The following AUTS2 variants were observed in gnomAD, a reference collection of about 807,000 sequenced individuals.
AUTS2 encodes activator of transcription and developmental regulator AUTS2.
In AUTS2, 17 loss-of-function variants were observed where a neutral mutation model predicts 112.4. The observed-to-expected ratio is 0.15, with a 90% CI of 0.10 to 0.23. The LOEUF is 0.23. AUTS2 is among the 10% of genes least tolerant of loss of function. The pLI is 1.00. For missense variants in AUTS2, 1,510 were observed against 1,701.6 expected (o/e 0.89, Z 1.98); for synonymous variants, 751 against 702.7 (o/e 1.07, Z -1.09).
chr7:69,878,372 A>G (rs995981546), intron 1 of AUTS2, among the ~76,000 whole-genome samples: 1 of 152,126 alleles, frequency 6.6e-6, no homozygotes, highest in Non-Finnish European at 1.5e-5. Context: ...TGTTCAGGAA[A>G]TCGTTTATTT....
intron 1 of AUTS2, among the ~76,000 whole-genome samples, chr7:69,614,367 T>TCTTTTCTTTCTTTTCTTTCTTTCTTTC (rs57602451): frequency 4.4e-5 from 4 of 90,176 alleles, no homozygotes; most frequent in South Asian, 4.3e-4. Context: ...TTTCTTTCTT[T>TCTTTTCTTTCTTTTCTTTCTTTCTTTC]TTTTAAGAGA....
intron 5 of AUTS2, among the ~76,000 whole-genome samples, chr7:70,451,936 C>T (rs1313066918): frequency 6.6e-6 from 1 of 152,142 alleles, no homozygotes; most frequent in African/African-American, 2.4e-5. Flanking sequence ...TCTGAGAGGT[C>T]TGGTTCTGAG....
At chr7:70,426,566 C>G (rs993535201) in intron 4 of AUTS2, among the ~76,000 whole-genome samples, 6 of 152,204 alleles carry the variant, frequency 3.9e-5, no homozygotes, top group African/African-American at 1.4e-4. Flanking sequence ...GTGAAACCGA[C>G]AGGCACAGAG....
chr7:70,547,251 T>G (rs909390285), intron 5 of AUTS2, among the ~76,000 whole-genome samples: 1 of 152,112 alleles, frequency 6.6e-6, no homozygotes, highest in Non-Finnish European at 1.5e-5. Context: ...AACAATACAA[T>G]GTTGGTGGGT....
chr7:70,375,324 A>G (rs938503721), intron 4 of AUTS2, among the ~76,000 whole-genome samples: 3 of 152,170 alleles, frequency 2.0e-5, no homozygotes, highest in African/African-American at 4.8e-5. Flanking sequence ...TTGGAGCCTC[A>G]CTCTGAAGCC....
Position 70,221,849 on chromosome 7 carries a change from T to G in AUTS2, c.660+87278T>G, listed in dbSNP as rs539905738. Among the ~76,000 whole-genome samples, 310 of 152,308 alleles carry G rather than the reference T, an allele frequency of 2.0e-3. 7 individuals are homozygous for G. The highest frequency in any genetic ancestry group is 4.7e-4 in the Non-Finnish European group (32 of 68,034). On this transcript the variant is annotated intron_variant, in intron 4 of 18. Transcript: ENST00000342771. ...TTGCAGTGAGCCGAAATCATGCCATTGCACTCCAGCCTAGGTGACAAGAGC... is the reference window on the plus strand; with the variant it reads ...TTGCAGTGAGCCGAAATCATGCCATGGCACTCCAGCCTAGGTGACAAGAGC...
At chr7:69,655,214 A>G (rs1562789148) in intron 1 of AUTS2, among the ~76,000 whole-genome samples, 1 of 152,148 alleles carries the variant, frequency 6.6e-6, no homozygotes, top group African/African-American at 2.4e-5. Flanking sequence ...AAAATCTACA[A>G]TCTTGCATTG....
chr7:69,910,440 T>G (rs1167922442), intron 2 of AUTS2, among the ~76,000 whole-genome samples: 1 of 152,114 alleles, frequency 6.6e-6, no homozygotes. Flanking sequence ...TTTTCCACGC[T>G]GCCAATAGAC....
intron 2 of AUTS2, among the ~76,000 whole-genome samples, chr7:69,939,235 TAA>T (rs960005702): frequency 6.6e-6 from 1 of 152,202 alleles, no homozygotes; most frequent in Non-Finnish European, 1.5e-5. Context: ...ATTCAAGAAG[TAA>T]AATTCAATCA....
rs762118262 is a variant in AUTS2 at position 69,613,028 on chromosome 7, G to A, written c.309+13066G>A. ...ATTTTGCATTCGTTATCCCATTGACGCACCCCATGAAAAAAAGAATAATAA... is the reference window on the plus strand; with the variant it reads ...ATTTTGCATTCGTTATCCCATTGACACACCCCATGAAAAAAAGAATAATAA... On this transcript the variant is annotated intron_variant, in intron 1 of 18. Coordinates refer to ENST00000342771, the MANE Select transcript of AUTS2 (RefSeq NM_015570.4). Among the ~76,000 whole-genome samples, 4 of 152,168 alleles carry A rather than the reference G, an allele frequency of 2.6e-5. No individual in the cohort carries two copies. The East Asian group carries it at 7.7e-4, about 29-fold the overall frequency.
intron 5 of AUTS2, among the ~76,000 whole-genome samples, chr7:70,676,475 G>A (rs866187438): frequency 1.3e-5 from 2 of 152,104 alleles, no homozygotes; most frequent in Non-Finnish European, 2.9e-5. Flanking sequence ...TGTAGACAGA[G>A]AGAGTGAGCC....
At chr7:70,781,456 T>G in intron 14 of AUTS2, 159 bp from the exon 15 acceptor site, 4 of 783,878 alleles carry the variant, frequency 5.1e-6, no homozygotes, top group Non-Finnish European at 7.8e-6. Context: ...AGATCTGACA[T>G]TTGAGGGTGA....
chr7:69,894,528 G>T (rs1381091801), intron 1 of AUTS2, among the ~76,000 whole-genome samples: 1 of 152,058 alleles, frequency 6.6e-6, no homozygotes, highest in South Asian at 2.1e-4. Context: ...CAGAGTGGCC[G>T]TTGTGGAAAA....
intron 4 of AUTS2, among the ~76,000 whole-genome samples, chr7:70,168,549 T>C (rs1808504075): frequency 6.6e-6 from 1 of 152,152 alleles, no homozygotes; most frequent in African/African-American, 2.4e-5. Flanking sequence ...CTCCTGAACC[T>C]GAGGTGACCT....
chr7:69,690,375 G>A (rs1797276370), intron 1 of AUTS2, among the ~76,000 whole-genome samples: 1 of 152,196 alleles, frequency 6.6e-6, no homozygotes, highest in African/African-American at 2.4e-5. Flanking sequence ...GGCCTATGGT[G>A]CCTTTGCCCA....
chr7:70,698,065 G>A (rs113607435), intron 5 of AUTS2, among the ~76,000 whole-genome samples: 4,109 of 152,190 alleles, frequency 0.027, 215 homozygotes, highest in African/African-American at 0.092. Flanking sequence ...AAGGGACAGG[G>A]ATCTTGGAGT....
intron 5 of AUTS2, among the ~76,000 whole-genome samples, chr7:70,602,097 G>A (rs1264146238): frequency 6.6e-6 from 1 of 152,044 alleles, no homozygotes; most frequent in Non-Finnish European, 1.5e-5. Flanking sequence ...AGGGCTCCCA[G>A]GCAGCTTCTC....
intron 4 of AUTS2, among the ~76,000 whole-genome samples, chr7:70,222,226 G>A (rs6961266): frequency 0.021 from 3,250 of 152,218 alleles, 119 homozygotes; most frequent in African/African-American, 0.07. Context: ...CTAAGACAGC[G>A]AATAAAATAA....
chr7:70,750,730 T>G (rs1788765482), intron 6 of AUTS2, among the ~76,000 whole-genome samples: 1 of 152,224 alleles, frequency 6.6e-6, no homozygotes, highest in African/African-American at 2.4e-5. Flanking sequence ...CTTTGCCTCT[T>G]GGCATGCATA....
Sources: allele counts gnomAD v4.1 joint callset (sites outside exome capture counted in the v4.1 genomes callset), GRCh38; gene constraint gnomAD v4.1.1; transcripts MANE v1.5; gene names NCBI Gene and HGNC (gene_info 2026-07-23, HGNC 2026-07-21).